The following CACNA2D3 variants were observed in gnomAD, a reference collection of about 807,000 sequenced individuals.
CACNA2D3 encodes the protein calcium voltage-gated channel auxiliary subunit alpha2delta 3, also known as voltage-dependent calcium channel subunit alpha-2/delta-3.
CACNA2D3 carries 60 observed loss-of-function variants against 160.6 expected under a neutral mutation model. The observed-to-expected ratio is 0.37, with a 90% CI of 0.30 to 0.46. CACNA2D3 has a LOEUF of 0.46. CACNA2D3 is among the 20% of genes least tolerant of loss of function. The pLI is 1.00. For synonymous variants in CACNA2D3, 558 were observed against 492.9 expected (o/e 1.13, Z -1.75); for missense variants, 1,205 against 1,365.0 (o/e 0.88, Z 1.85).
chr3:54,633,534 C>G (rs980186367), intron 10 of CACNA2D3: 2 of 152,200 alleles, frequency 1.3e-5, no homozygotes, highest in East Asian at 3.9e-4. Context: ...AGGTACTAGT[C>G]CTGCTAGTAC....
intron 2 of CACNA2D3, among the ~76,000 whole-genome samples, chr3:54,223,246 A>G (rs1434035471): frequency 3.3e-5 from 5 of 152,230 alleles, no homozygotes; most frequent in African/African-American, 4.8e-5. Flanking sequence ...AAACCTAGAC[A>G]GTATAGCCTG....
intron 3 of CACNA2D3, among the ~76,000 whole-genome samples, chr3:54,370,408 T>C (rs2107548411): frequency 6.6e-6 from 1 of 152,358 alleles, no homozygotes; most frequent in East Asian, 1.9e-4. Flanking sequence ...ATCTAGTTAA[T>C]CTGAAATGGG....
intron 3 of CACNA2D3, among the ~76,000 whole-genome samples, chr3:54,373,871 G>A (rs145435964): frequency 6.6e-4 from 101 of 152,122 alleles, no homozygotes; most frequent in African/African-American, 2.2e-3. Flanking sequence ...TCCTGCTGTG[G>A]CCCAAATCGG....
chr3:54,985,481 C>G (rs531857488), intron 30 of CACNA2D3, among the ~76,000 whole-genome samples: 1 of 152,294 alleles, frequency 6.6e-6, no homozygotes, highest in South Asian at 2.1e-4. Flanking sequence ...AACGCCATCA[C>G]AGGAGGAAGG....
chr3:54,215,898 G>A (rs1298870195), intron 2 of CACNA2D3, among the ~76,000 whole-genome samples: 2 of 146,230 alleles, frequency 1.4e-5, no homozygotes, highest in African/African-American at 2.5e-5. Context: ...TTTTTTTCTT[G>A]TGACTTCAAA....
At chr3:54,459,478 A>G (rs1242525751) in intron 4 of CACNA2D3, among the ~76,000 whole-genome samples, 3 of 151,046 alleles carry the variant, frequency 2.0e-5, no homozygotes, top group Non-Finnish European at 4.4e-5. Flanking sequence ...CTGGTGTGAG[A>G]TGGTATCTCA....
rs556982276 is a variant in CACNA2D3, at chr3:54,570,913, A to G, written c.888+809A>G. On this transcript the variant is annotated intron_variant, in intron 8 of 37. Coordinates refer to ENST00000474759, the MANE Select transcript of CACNA2D3 (RefSeq NM_018398.3). ...ATTTATTCTGAGCCAAATATGAGTG[A>G]CCATGGCCTGTGACACAGCCCTCAG... Among the ~76,000 whole-genome samples, 106 of 152,300 alleles carry G rather than the reference A, an allele frequency of 7.0e-4. No homozygotes were observed. The South Asian group carries it at 0.011, about 16-fold the overall frequency.
In CACNA2D3 at chr3:54,573,968, T is replaced by C. The variant is rs9817059; in HGVS notation, c.888+3864T>C. ...CTGTTTAAAATGGTCACTTGTCTCCTGTGTAGAGGGCGACCCAACTGCAGG... is the reference window on the plus strand; with the variant it reads ...CTGTTTAAAATGGTCACTTGTCTCCCGTGTAGAGGGCGACCCAACTGCAGG... On this transcript the variant is annotated intron_variant, in intron 8 of 37. Coordinates refer to ENST00000474759, the MANE Select transcript of CACNA2D3 (RefSeq NM_018398.3). Among the ~76,000 whole-genome samples the C allele has an allele frequency of 6.5e-3, 997 of 152,312 alleles. 11 individuals are homozygous for C. Among genetic ancestry groups the C allele is most frequent in the African/African-American group, 0.023 (967 of 41,580 alleles).
chr3:54,707,980 C>T (rs1419620953), intron 11 of CACNA2D3, among the ~76,000 whole-genome samples: 1 of 152,044 alleles, frequency 6.6e-6, no homozygotes, highest in Non-Finnish European at 1.5e-5. Flanking sequence ...ACTTTAAGTC[C>T]ACCTGTATCC....
intron 1 of CACNA2D3, 161 bp from the exon 2 acceptor site, chr3:54,123,352 T>C: frequency 1.6e-6 from 1 of 624,908 alleles, no homozygotes; most frequent in South Asian, 2.0e-5. Flanking sequence ...GTTTTGGTGC[T>C]GGCAGTTTCT....
intron 11 of CACNA2D3, among the ~76,000 whole-genome samples, chr3:54,646,282 A>G (rs1213889605): frequency 6.7e-6 from 1 of 148,880 alleles, no homozygotes; most frequent in East Asian, 2.0e-4. Flanking sequence ...TCTGGGATAT[A>G]TGTGCAGGTT....
At chr3:54,976,796 C>T (rs929154768) in intron 29 of CACNA2D3, among the ~76,000 whole-genome samples, 2 of 152,186 alleles carry the variant, frequency 1.3e-5, no homozygotes, top group African/African-American at 4.8e-5. Context: ...AGCTCTGTTC[C>T]TTCCACACCA....
intron 2 of CACNA2D3, among the ~76,000 whole-genome samples, chr3:54,257,009 G>A (rs1467539169): frequency 1.3e-5 from 2 of 152,246 alleles, no homozygotes; most frequent in East Asian, 1.9e-4. Context: ...GGTACAGTTA[G>A]CAGGGTCTAC....
intron 2 of CACNA2D3, among the ~76,000 whole-genome samples, chr3:54,158,944 G>A (rs1700292676): frequency 6.6e-6 from 1 of 152,284 alleles, no homozygotes; most frequent in East Asian, 1.9e-4. Flanking sequence ...TTTGGCCAGT[G>A]GATTATGAGT....
chr3:54,328,139 C>T (rs1704159680), intron 3 of CACNA2D3, among the ~76,000 whole-genome samples: 1 of 152,212 alleles, frequency 6.6e-6, no homozygotes, highest in South Asian at 2.1e-4. Context: ...CCAGATTGTT[C>T]TACAGACAAT....
At chr3:54,477,815 A>T (rs997957813) in intron 4 of CACNA2D3, among the ~76,000 whole-genome samples, 12 of 152,208 alleles carry the variant, frequency 7.9e-5, no homozygotes, top group Non-Finnish European at 1.5e-4. Context: ...TCCTTGGTGG[A>T]TCCTCAGTCC....
intron 14 of CACNA2D3, among the ~76,000 whole-genome samples, chr3:54,825,474 A>G (rs534563589): frequency 7.2e-5 from 11 of 152,288 alleles, no homozygotes; most frequent in Admixed American, 5.2e-4. Flanking sequence ...CTTGAACTCA[A>G]TGAGTTGGGT....
intron 2 of CACNA2D3, among the ~76,000 whole-genome samples, chr3:54,283,929 G>C (rs1485892174): frequency 1.3e-5 from 2 of 152,150 alleles, no homozygotes; most frequent in Admixed American, 1.3e-4. Context: ...TGAGTGTGGA[G>C]TGCGTGGCTG....
intron 17 of CACNA2D3, among the ~76,000 whole-genome samples, chr3:54,855,031 C>G (rs1020928105): frequency 5.3e-5 from 8 of 152,160 alleles, no homozygotes; most frequent in African/African-American, 1.9e-4. Flanking sequence ...GAAGCTGTGT[C>G]CTCAGGTTAT....
Sources: gnomAD v4.1 joint callset for allele counts (sites outside exome capture counted in the v4.1 genomes callset) on GRCh38, gnomAD v4.1.1 for gene constraint, MANE v1.5 for transcripts, NCBI Gene and HGNC (gene_info 2026-07-23, HGNC 2026-07-21) for gene names.